The following POU6F2 variants were observed in gnomAD, a reference collection of about 807,000 sequenced individuals.
POU6F2 encodes POU domain, class 6, transcription factor 2.
Under a neutral mutation model 71.3 loss-of-function variants are expected in POU6F2, and 31 were observed. The ratio of observed to expected loss-of-function variants is 0.43; its 90% CI spans 0.33 to 0.59. The LOEUF (loss-of-function observed/expected upper bound fraction) is 0.59. POU6F2 is among the 20% of genes least tolerant of loss of function. The pLI, the probability that POU6F2 is intolerant of heterozygous loss-of-function variation, is 0.04. For synonymous variants in POU6F2, 347 were observed against 355.7 expected (o/e 0.98, Z 0.27); for missense variants, 783 against 856.8 (o/e 0.91, Z 1.07).
chr7:39,405,230 G>A (rs1252333015), intron 5 of POU6F2, among the ~76,000 whole-genome samples: 2 of 151,996 alleles, frequency 1.3e-5, no homozygotes, highest in African/African-American at 2.4e-5. Context: ...CCTTTTTGAT[G>A]TTTTCTCTGA....
chr7:39,382,101 G>A (rs754115085), intron 5 of POU6F2, among the ~76,000 whole-genome samples: 1 of 152,016 alleles, frequency 6.6e-6, no homozygotes, highest in Non-Finnish European at 1.5e-5. Context: ...AAAATGTCAT[G>A]TACATTATTT....
At chr7:39,106,634 T>C (rs887476808) in intron 2 of POU6F2, among the ~76,000 whole-genome samples, 2 of 152,274 alleles carry the variant, frequency 1.3e-5, no homozygotes, top group Admixed American at 1.3e-4. Context: ...GTTTCCAATG[T>C]TTAAAATTGA....
chr7:39,075,941 A>C (rs1045556806), intron 1 of POU6F2, among the ~76,000 whole-genome samples: 1 of 152,230 alleles, frequency 6.6e-6, no homozygotes, highest in African/African-American at 2.4e-5. Flanking sequence ...ACATTCTTCC[A>C]TCTTGTCCTG....
chr7:39,379,157 G>A (rs956689022), intron 5 of POU6F2, among the ~76,000 whole-genome samples: 6 of 152,102 alleles, frequency 3.9e-5, no homozygotes, highest in South Asian at 2.1e-4. Flanking sequence ...AATTGAGTCC[G>A]TTTTGAACAA....
intron 2 of POU6F2, among the ~76,000 whole-genome samples, chr7:39,088,708 A>C (rs1006788542): frequency 6.6e-6 from 1 of 152,196 alleles, no homozygotes; most frequent in Non-Finnish European, 1.5e-5. Flanking sequence ...GTTTAGTTTC[A>C]TGGAGAGACA....
At chr7:39,010,800 G>A (rs1171958230) in intron 1 of POU6F2, among the ~76,000 whole-genome samples, 2 of 148,546 alleles carry the variant, frequency 1.3e-5, no homozygotes, top group East Asian at 2.0e-4. Flanking sequence ...TCATTCAGGA[G>A]CAGGTTGTTC....
At chr7:39,000,756 C>T (rs933971970) in intron 1 of POU6F2, among the ~76,000 whole-genome samples, 8 of 152,134 alleles carry the variant, frequency 5.3e-5, no homozygotes, top group Non-Finnish European at 1.0e-4. Flanking sequence ...GACTTGACTT[C>T]CCACTCCTGT....
chr7:39,463,183 C>T (rs747222553), intron 9 of POU6F2, among the ~76,000 whole-genome samples: 11 of 152,008 alleles, frequency 7.2e-5, no homozygotes, highest in Admixed American at 4.6e-4. Flanking sequence ...TTTTTTTGTA[C>T]TTCATTGAGA....
chr7:39,041,529 G>T (rs755219799), intron 1 of POU6F2, among the ~76,000 whole-genome samples: 3 of 151,852 alleles, frequency 2.0e-5, no homozygotes. Context: ...TAGGCAAAAT[G>T]ATAAGTATAC....
chr7:39,299,007 G>C (rs76007355), intron 4 of POU6F2, among the ~76,000 whole-genome samples: 8,827 of 152,038 alleles, frequency 0.058, 334 homozygotes, highest in South Asian at 0.18. Context: ...GGCCTGTTAG[G>C]GGGTGGGGAG....
chr7:39,087,637 A>G (rs1791280345), intron 2 of POU6F2, among the ~76,000 whole-genome samples: 1 of 152,184 alleles, frequency 6.6e-6, no homozygotes, highest in Admixed American at 6.6e-5. Flanking sequence ...ATGCCCCTCT[A>G]ATGTTGAGTA....
intron 1 of POU6F2, among the ~76,000 whole-genome samples, chr7:39,030,578 G>T (rs1486614542): frequency 1.5e-5 from 2 of 132,658 alleles, no homozygotes; most frequent in Non-Finnish European, 3.1e-5. Flanking sequence ...GCCCGGATGT[G>T]TAACAGTTTA....
intron 2 of POU6F2, among the ~76,000 whole-genome samples, chr7:39,149,839 T>G (rs545751772): frequency 6.6e-6 from 1 of 152,080 alleles, no homozygotes; most frequent in Non-Finnish European, 1.5e-5. Flanking sequence ...TCGCTTAGCA[T>G]AATGCCTTTC....
intron 6 of POU6F2, among the ~76,000 whole-genome samples, chr7:39,421,687 G>T (rs765730889): frequency 6.6e-6 from 1 of 151,980 alleles, no homozygotes; most frequent in African/African-American, 2.4e-5. Flanking sequence ...TTAGGGTTTT[G>T]TTGTTGTTGT....
At chr7:39,239,364 A>G (rs1305172552) in intron 4 of POU6F2, among the ~76,000 whole-genome samples, 3 of 152,148 alleles carry the variant, frequency 2.0e-5, no homozygotes, top group Admixed American at 6.6e-5. Flanking sequence ...AGGTGTTTTC[A>G]TAACTGATTT....
intron 1 of POU6F2, among the ~76,000 whole-genome samples, chr7:39,073,209 T>C (rs1790921378): frequency 6.6e-6 from 1 of 152,106 alleles, no homozygotes; most frequent in Non-Finnish European, 1.5e-5. Context: ...TGTAAGTAAA[T>C]ATTAATAAAG....
intron 4 of POU6F2, among the ~76,000 whole-genome samples, chr7:39,333,664 G>A (rs2115578373): frequency 6.6e-6 from 1 of 152,310 alleles, no homozygotes; most frequent in South Asian, 2.1e-4. Context: ...CTTGAACCTG[G>A]GAGGCAGAGG....
intron 1 of POU6F2, among the ~76,000 whole-genome samples, chr7:39,016,771 G>A (rs749051414): frequency 1.1e-4 from 16 of 152,086 alleles, no homozygotes; most frequent in South Asian, 4.1e-4. Context: ...TCAAGACGGC[G>A]TTAAGCGTGC....
At chr7:39,419,786 A>AT (rs1445862588) in intron 6 of POU6F2, among the ~76,000 whole-genome samples, 2 of 152,160 alleles carry the variant, frequency 1.3e-5, no homozygotes, top group African/African-American at 4.8e-5. Context: ...CAGTTTGATG[A>AT]TTTTGAGTCA....
Sources: gnomAD v4.1 joint callset for allele counts (sites outside exome capture counted in the v4.1 genomes callset) on GRCh38, gnomAD v4.1.1 for gene constraint, MANE v1.5 for transcripts, NCBI Gene and HGNC (gene_info 2026-07-23, HGNC 2026-07-21) for gene names.